Variants in NCBP3 observed in about 807,000 individuals in gnomAD.
The protein encoded by NCBP3 is nuclear cap-binding protein subunit 3.
In NCBP3, 20 loss-of-function variants were observed where a neutral mutation model predicts 75.7. The ratio of observed to expected loss-of-function variants is 0.26; its 90% CI spans 0.19 to 0.38. The LOEUF is 0.38. NCBP3 is among the 10% of genes least tolerant of loss of function. The probability of loss-of-function intolerance (pLI) is 1.00; values close to 1 mark genes in which losing one functional copy is unlikely to be tolerated. For synonymous variants in NCBP3, 293 were observed against 290.5 expected, an observed-to-expected ratio of 1.01 and a Z score of -0.09; for missense variants, 678 against 796.9, an observed-to-expected ratio of 0.85 and a Z score of 1.80.
intron 1 of NCBP3, among the ~76,000 whole-genome samples, chr17:3,845,504 C>CG (rs113119471): frequency 0.017 from 2,565 of 151,652 alleles, 58 homozygotes; most frequent in African/African-American, 0.053. Flanking sequence ...ACTGGAGCTG[C>CG]GGGGGGGGCA....
At chr17:3,841,591 C>G (rs902834494) in intron 2 of NCBP3, among the ~76,000 whole-genome samples, 1 of 147,844 alleles carries the variant, frequency 6.8e-6, no homozygotes, top group Non-Finnish European at 1.5e-5. Flanking sequence ...AAAAGATGAC[C>G]AATTCTCTCT....
intron 3 of NCBP3, among the ~76,000 whole-genome samples, chr17:3,833,180 G>A (rs991461426): frequency 1.3e-5 from 2 of 152,172 alleles, no homozygotes; most frequent in Admixed American, 6.5e-5. Context: ...CTGAGCCCAG[G>A]AGGTTGAGGC....
intron 10 of NCBP3, among the ~76,000 whole-genome samples, chr17:3,817,352 C>T (rs376686557): frequency 6.6e-5 from 10 of 151,850 alleles, no homozygotes; most frequent in African/African-American, 1.9e-4. Context: ...CTTCTGAGCC[C>T]GGGCATGGTG....
chr17:3,837,618 C>T (rs1256850986), intron 3 of NCBP3, among the ~76,000 whole-genome samples: 8 of 145,956 alleles, frequency 5.5e-5, no homozygotes, highest in Non-Finnish European at 9.0e-5. Flanking sequence ...CCTGTAGTCC[C>T]AGCTACTCGG....
intron 1 of NCBP3, among the ~76,000 whole-genome samples, chr17:3,845,768 A>G (rs1271050279): frequency 1.3e-5 from 2 of 151,926 alleles, no homozygotes; most frequent in Non-Finnish European, 2.9e-5. Context: ...CGCGGCTCAG[A>G]GGGGGCAGCG....
At chr17:3,823,520 C>T (rs562846641) in intron 7 of NCBP3, among the ~76,000 whole-genome samples, 1 of 152,270 alleles carries the variant, frequency 6.6e-6, no homozygotes, top group South Asian at 2.1e-4. Context: ...AGGCATGAAG[C>T]TCTGATGAGC....
intron 3 of NCBP3, among the ~76,000 whole-genome samples, chr17:3,837,237 A>G (rs1225735962): frequency 3.3e-5 from 5 of 151,680 alleles, no homozygotes; most frequent in African/African-American, 9.7e-5. Context: ...AGTGGCTCAC[A>G]CCTGTAATCC....
In NCBP3 at chr17:3,841,210, C is replaced by T. The variant is rs191025513; in HGVS notation, c.250-1005G>A. Among the ~76,000 whole-genome samples, 253 of 152,192 alleles carry T rather than the reference C, an allele frequency of 1.7e-3. 1 individual carries two copies. Among genetic ancestry groups the T allele is most frequent in the African/African-American group, 5.7e-3 (236 of 41,526 alleles). ...CAGGATGGTCTCGATCTCTTGACCT[C>T]GTGATCTGCCTGCCTCGGCCTCCCA... is the stretch of plus-strand genomic sequence containing the variant. On this transcript the variant is annotated intron_variant, in intron 2 of 12. Transcript: ENST00000389005.
intron 4 of NCBP3, among the ~76,000 whole-genome samples, chr17:3,827,841 A>G (rs954812287): frequency 1.3e-5 from 2 of 152,202 alleles, no homozygotes; most frequent in Non-Finnish European, 2.9e-5. Flanking sequence ...CCTGTTGTTT[A>G]TTTACATTTG....
At chr17:3,843,701 C>G (rs2054107259) in intron 1 of NCBP3, among the ~76,000 whole-genome samples, 1 of 152,220 alleles carries the variant, frequency 6.6e-6, no homozygotes, top group Non-Finnish European at 1.5e-5. Flanking sequence ...CATGTGCCAC[C>G]ACCGCCAGCT....
At chr17:3,833,473 T>C (rs760517385) in intron 3 of NCBP3, among the ~76,000 whole-genome samples, 15 of 152,068 alleles carry the variant, frequency 9.9e-5, no homozygotes, top group Non-Finnish European at 4.4e-5. Flanking sequence ...GGATTATCCA[T>C]TGCCCAAGTT....
chr17:3,824,507 A>G (rs1567587367), intron 7 of NCBP3: 1 of 160,072 alleles, frequency 6.2e-6, no homozygotes, highest in Non-Finnish European at 1.4e-5. Context: ...ACATACACAT[A>G]CATATATACA....
At chr17:3,845,966 C>T (rs2143731069) in intron 1 of NCBP3, 75 bp downstream of exon 1, 1 of 1,464,660 alleles carries the variant, frequency 6.8e-7, no homozygotes, top group Non-Finnish European at 9.2e-7. Context: ...CTCCGGCCAC[C>T]GCCCCTTCCG....
chr17:3,829,112 C>G, intron 4 of NCBP3, 131 bp downstream of exon 4: 1 of 1,038,946 alleles, frequency 9.6e-7, no homozygotes, highest in Non-Finnish European at 1.4e-6. Context: ...AATTTTTTCT[C>G]TCCTGGACTA....
At chr17:3,828,763 T>C (rs1050226710) in intron 4 of NCBP3, among the ~76,000 whole-genome samples, 3 of 152,114 alleles carry the variant, frequency 2.0e-5, no homozygotes, top group African/African-American at 4.8e-5. Context: ...TGTTTAGCTC[T>C]AGGTCATTCT....
At position 3,816,283 on chromosome 17, in the gene NCBP3, G is replaced by A. The variant is rs746732068; in HGVS notation, c.1311-13C>T. ...CCTCATGGAGTTCCTTTAAAAAGGG[G>A]GTAGGATGGGGCACAGTTAACCAAC... On this transcript the variant is annotated splice_polypyrimidine_tract_variant and intron_variant, in intron 10 of 12. Coordinates refer to ENST00000389005, the MANE Select transcript of NCBP3 (RefSeq NM_001114118.3). 2.5e-6 allele frequency: 4 copies of A among 1,609,910 alleles called. No homozygotes were observed. The highest frequency in any genetic ancestry group is 2.5e-6 in the Non-Finnish European group (3 of 1,178,044).
At chr17:3,814,216 G>C in intron 12 of NCBP3, 106 bp downstream of exon 12, 2 of 1,096,488 alleles carry the variant, frequency 1.8e-6, no homozygotes, top group Non-Finnish European at 1.3e-6. Context: ...CTTATATTTG[G>C]CGTGGGCTGT....
intron 10 of NCBP3, among the ~76,000 whole-genome samples, chr17:3,817,044 A>AG (rs1313203175): frequency 2.6e-5 from 4 of 152,002 alleles, no homozygotes; most frequent in African/African-American, 9.7e-5. Flanking sequence ...CAAAAAAAAA[A>AG]AGAACGTGGT....
In NCBP3 at chr17:3,816,145, G is replaced by T. The variant is rs1437520991; in HGVS notation, c.1436C>A (p.Pro479Gln). The T allele has an allele frequency of 1.2e-6, 2 of 1,614,100 alleles. No homozygotes were observed. The highest frequency in any genetic ancestry group is 1.7e-6 in the Non-Finnish European group (2 of 1,180,008). Reference sequence around the variant, plus strand: ...TTTAGTACTGCTGACTGGTGGCCGTGGACGGGAGTGCTGACGTTTCTCATC... The same window carrying T: ...TTTAGTACTGCTGACTGGTGGCCGTTGACGGGAGTGCTGACGTTTCTCATC... Reference protein sequence around the residue: ...LLDEKRQHSRPRPPVSSTKSD... With the variant: ...LLDEKRQHSRQRPPVSSTKSD... The change falls in exon 11 of 13, where the codon CCA becomes CAA. Residue 479 changes from proline to glutamine, a missense_variant. Physicochemically the swap from Pro to Gln is moderately conservative, Grantham distance 76. Coordinates refer to ENST00000389005, the MANE Select transcript of NCBP3 (RefSeq NM_001114118.3).
Sources: allele counts gnomAD v4.1 joint callset (sites outside exome capture counted in the v4.1 genomes callset), GRCh38; gene constraint gnomAD v4.1.1; transcripts MANE v1.5; gene names NCBI Gene and HGNC (gene_info 2026-07-23, HGNC 2026-07-21).